SLC38A12: variants seen among roughly 807,000 people sequenced by gnomAD.
SLC38A12 encodes putative sodium-coupled neutral amino acid transporter 12.
At chr17:74,790,029 C>A in the SLC38A12 span, among the ~76,000 whole-genome samples, 2 of 151,166 alleles carry the variant, frequency 1.3e-5, no homozygotes, top group Non-Finnish European at 2.9e-5. Flanking sequence ...TCACGGCTCA[C>A]TGCAGCCTCG....
At chr17:74,800,124 G>C in the SLC38A12 span, among the ~76,000 whole-genome samples, 1 of 152,234 alleles carries the variant, frequency 6.6e-6, no homozygotes, top group Non-Finnish European at 1.5e-5. Flanking sequence ...GTCCTGCCCT[G>C]GTGACACAGG....
At chr17:74,821,072 C>T in the SLC38A12 span, among the ~76,000 whole-genome samples, 15 of 152,200 alleles carry the variant, frequency 9.9e-5, no homozygotes, top group Non-Finnish European at 1.5e-5. Context: ...GGGTGGCCTC[C>T]GGGGCCCAGA....
At chr17:74,790,997 G>T in the SLC38A12 span, 1 of 1,614,070 alleles carries the variant, frequency 6.2e-7, no homozygotes. Context: ...CACAGACCGG[G>T]TGGAAATGGG....
the SLC38A12 span, among the ~76,000 whole-genome samples, chr17:74,780,623 G>T: frequency 6.6e-6 from 1 of 152,150 alleles, no homozygotes; most frequent in African/African-American, 2.4e-5. Flanking sequence ...GCTCAGCCCA[G>T]ATTTGCTTCC....
At chr17:74,828,352 C>T in the SLC38A12 span, among the ~76,000 whole-genome samples, 1 of 152,208 alleles carries the variant, frequency 6.6e-6, no homozygotes, top group Non-Finnish European at 1.5e-5. Flanking sequence ...GAGGAAGACC[C>T]TTCACCCTTG....
chr17:74,784,965 T>A, the SLC38A12 span, among the ~76,000 whole-genome samples: 873 of 102,282 alleles, frequency 8.5e-3, 11 homozygotes, highest in African/African-American at 0.026. Context: ...AACTTTTTTT[T>A]TAAAAACCCT....
chr17:74,786,302 A>G, the SLC38A12 span, among the ~76,000 whole-genome samples: 4 of 151,962 alleles, frequency 2.6e-5, no homozygotes, highest in Non-Finnish European at 5.9e-5. Context: ...CCATTCTCTC[A>G]ACCGGGTAGG....
At chr17:74,805,894 G>A in the SLC38A12 span, among the ~76,000 whole-genome samples, 1 of 152,220 alleles carries the variant, frequency 6.6e-6, no homozygotes, top group Admixed American at 6.5e-5. The surrounding 1 kb of genome is among the most constrained non-coding windows in gnomAD (Gnocchi z 5.0). Context: ...GCAACAGAGG[G>A]CGATGGCACT....
chr17:74,836,073 C>T, the SLC38A12 span: 6 of 1,613,820 alleles, frequency 3.7e-6, no homozygotes, highest in East Asian at 2.2e-5. The surrounding 1 kb of genome is among the most constrained non-coding windows in gnomAD (Gnocchi z 4.2). Context: ...TCTGCCATCC[C>T]TCATTACCCC....
chr17:74,810,725 A>C, the SLC38A12 span, among the ~76,000 whole-genome samples: 1 of 152,338 alleles, frequency 6.6e-6, no homozygotes, highest in East Asian at 1.9e-4. Flanking sequence ...TGTCGAGAAC[A>C]TTTTAGGAAG....
the SLC38A12 span, chr17:74,836,033 G>A: frequency 2.4e-5 from 39 of 1,612,620 alleles, no homozygotes; most frequent in Non-Finnish European, 3.1e-5. This position sits in a 1 kb window ranked among gnomAD's most constrained non-coding sequence, Gnocchi z 4.2. Context: ...TGTTTGGGGT[G>A]TGCGTCTACT....
chr17:74,805,053 G>C, the SLC38A12 span, among the ~76,000 whole-genome samples: 1 of 152,236 alleles, frequency 6.6e-6, no homozygotes, highest in African/African-American at 2.4e-5. The surrounding 1 kb of genome is among the most constrained non-coding windows in gnomAD (Gnocchi z 5.0). Flanking sequence ...AAGGCCACAG[G>C]GCCCAGGAAT....
At chr17:74,831,773 C>T in the SLC38A12 span, among the ~76,000 whole-genome samples, 679 of 152,344 alleles carry the variant, frequency 4.5e-3, 3 homozygotes, top group Non-Finnish European at 5.5e-3. Flanking sequence ...CTGGGGAGCA[C>T]TTTCTGCTCT....
the SLC38A12 span, chr17:74,838,326 G>A: frequency 1.0e-6 from 1 of 986,840 alleles, no homozygotes; most frequent in Non-Finnish European, 1.2e-6. Context: ...GGTAGAGCAG[G>A]GGCCTGCAGT....
the SLC38A12 span, among the ~76,000 whole-genome samples, chr17:74,824,673 G>T: frequency 6.6e-6 from 1 of 152,182 alleles, no homozygotes. Flanking sequence ...GGACCGCAGG[G>T]TTCCCTTCCC....
At chr17:74,785,715 C>T in the SLC38A12 span, 7 of 1,403,902 alleles carry the variant, frequency 5.0e-6, no homozygotes, top group Non-Finnish European at 4.8e-6. Context: ...CCTGTCTACC[C>T]CGTATCGAGC....
the SLC38A12 span, among the ~76,000 whole-genome samples, chr17:74,833,847 G>A: frequency 6.6e-6 from 1 of 152,182 alleles, no homozygotes; most frequent in Non-Finnish European, 1.5e-5. Flanking sequence ...TACAGCAGCT[G>A]CCCCCATTGC....
At chr17:74,799,497 C>T in the SLC38A12 span, among the ~76,000 whole-genome samples, 1 of 152,198 alleles carries the variant, frequency 6.6e-6, no homozygotes, top group Non-Finnish European at 1.5e-5. Flanking sequence ...GGGATACAGC[C>T]TGCAAGTGCC....
At chr17:74,808,606 G>A in the SLC38A12 span, among the ~76,000 whole-genome samples, 5 of 152,160 alleles carry the variant, frequency 3.3e-5, no homozygotes, top group African/African-American at 7.2e-5. Flanking sequence ...CAGGTGTCTC[G>A]GGAAGCTTGG....
Sources: allele counts gnomAD v4.1 joint callset (sites outside exome capture counted in the v4.1 genomes callset), GRCh38; gene constraint gnomAD v4.1.1; non-coding constraint Gnocchi (gnomAD v3.1); transcripts MANE v1.5; gene names NCBI Gene and HGNC (gene_info 2026-07-23, HGNC 2026-07-21).